The following MAN1A1 variants were observed in gnomAD, a reference collection of about 807,000 sequenced individuals.
MAN1A1 encodes the protein mannosidase alpha class 1A member 1.
A neutral mutation model predicts 70.8 loss-of-function variants in MAN1A1; 29 were observed. That is an observed-to-expected ratio of 0.41 (90% CI 0.31 to 0.56). The LOEUF is 0.56. Ranked by LOEUF, MAN1A1 falls within the 20% of genes least tolerant of loss-of-function variation. The probability of loss-of-function intolerance (pLI) is 0.29; values close to 1 mark genes in which losing one functional copy is unlikely to be tolerated. For missense variants in MAN1A1, 747 were observed against 841.3 expected, an observed-to-expected ratio of 0.89 and a Z score of 1.39; for synonymous variants, 349 against 330.1, an observed-to-expected ratio of 1.06 and a Z score of -0.62.
chr6:119,185,139 C>T (rs900771701), intron 11 of MAN1A1, among the ~76,000 whole-genome samples: 6 of 152,148 alleles, frequency 3.9e-5, no homozygotes, highest in African/African-American at 7.2e-5. Context: ...CCTCCCACCT[C>T]GGCCTCCCAA....
intron 6 of MAN1A1, among the ~76,000 whole-genome samples, chr6:119,229,567 G>C (rs1774618701): frequency 6.6e-6 from 1 of 152,182 alleles, no homozygotes; most frequent in African/African-American, 2.4e-5. Context: ...CACAAATGCA[G>C]TTGAGCTTCA....
chr6:119,195,276 T>C (rs1236936601), intron 8 of MAN1A1, among the ~76,000 whole-genome samples: 1 of 152,184 alleles, frequency 6.6e-6, no homozygotes, highest in Non-Finnish European at 1.5e-5. Context: ...ATCTTCTCTA[T>C]GCCATTCAGT....
chr6:119,274,384 C>A (rs766310865), intron 5 of MAN1A1, among the ~76,000 whole-genome samples: 4 of 152,098 alleles, frequency 2.6e-5, no homozygotes, highest in African/African-American at 7.2e-5. Context: ...GGTAGATTTA[C>A]GAGCTATTTC....
chr6:119,313,884 G>A (rs1772777274), intron 2 of MAN1A1, among the ~76,000 whole-genome samples: 1 of 150,292 alleles, frequency 6.7e-6, no homozygotes, highest in South Asian at 2.1e-4. Context: ...GCAACTAGAA[G>A]TGAATGGGAA....
At chr6:119,291,134 A>G (rs1291924172) in intron 4 of MAN1A1, among the ~76,000 whole-genome samples, 1 of 152,040 alleles carries the variant, frequency 6.6e-6, no homozygotes, top group Non-Finnish European at 1.5e-5. Context: ...TAACTGAATC[A>G]TGGGGAGGGG....
At chr6:119,213,387 A>G (rs1774104104) in intron 6 of MAN1A1, among the ~76,000 whole-genome samples, 1 of 152,228 alleles carries the variant, frequency 6.6e-6, no homozygotes, top group Admixed American at 6.5e-5. Flanking sequence ...ACACTTTGGC[A>G]TCTAAAATTT....
In MAN1A1 at chr6:119,179,990, G is replaced by A. The variant is rs41292568; in HGVS notation, c.1836-45C>T. 1.8e-3 allele frequency: 2,810 copies of A among 1,601,770 alleles called. 5 individuals carry two copies. Among genetic ancestry groups the A allele is most frequent in the Admixed American group, 2.6e-3 (153 of 59,480 alleles). ...TATATGAGGCCCAAGACACTAGGCA[G>A]GCAGTGAAACCACAAACACACAGCA... is the stretch of plus-strand genomic sequence containing the variant. On this transcript the variant is annotated intron_variant, in intron 12 of 12. Transcript: ENST00000368468.
At chr6:119,201,402 A>G (rs1773709784) in intron 7 of MAN1A1, 55 bp from the exon 8 acceptor site, 2 of 1,143,944 alleles carry the variant, frequency 1.7e-6, no homozygotes, top group African/African-American at 1.5e-5. Flanking sequence ...TTTTCATGCC[A>G]TTCTTCTTCT....
intron 6 of MAN1A1, among the ~76,000 whole-genome samples, chr6:119,237,918 C>T (rs1774899222): frequency 6.6e-6 from 1 of 152,108 alleles, no homozygotes; most frequent in South Asian, 2.1e-4. Context: ...AAGCACAGCA[C>T]TTTAAATACA....
chr6:119,222,835 C>T (rs935745906), intron 6 of MAN1A1, among the ~76,000 whole-genome samples: 1 of 152,120 alleles, frequency 6.6e-6, no homozygotes, highest in Non-Finnish European at 1.5e-5. Context: ...TCTCTGGTGG[C>T]AGAATCTCTC....
intron 5 of MAN1A1, among the ~76,000 whole-genome samples, chr6:119,256,316 G>A (rs995387604): frequency 2.0e-5 from 3 of 151,824 alleles, no homozygotes; most frequent in African/African-American, 7.3e-5. Flanking sequence ...TTATTCTCAT[G>A]AAAAAATAAG....
chr6:119,337,790 A>G (rs764395654), intron 2 of MAN1A1, among the ~76,000 whole-genome samples: 36 of 152,216 alleles, frequency 2.4e-4, no homozygotes, highest in Non-Finnish European at 4.4e-4. Flanking sequence ...TCTTCATTAC[A>G]CATTCTATGT....
intron 5 of MAN1A1, among the ~76,000 whole-genome samples, chr6:119,256,475 T>A (rs1582740820): frequency 6.7e-6 from 1 of 149,590 alleles, no homozygotes; most frequent in East Asian, 2.0e-4. Flanking sequence ...ATAGAGAGGG[T>A]TTTATAAAGT....
At chr6:119,294,127 T>A (rs904692453) in intron 4 of MAN1A1, among the ~76,000 whole-genome samples, 1 of 152,058 alleles carries the variant, frequency 6.6e-6, no homozygotes, top group South Asian at 2.1e-4. Flanking sequence ...TGAGGTCTTA[T>A]TTCTCAAGGG....
rs994082611 is a variant in MAN1A1, at chr6:119,234,907, G to A, written c.992+13353C>T. Among the ~76,000 whole-genome samples the A allele has an allele frequency of 2.0e-5, 3 of 152,112 alleles. No homozygotes were observed. The South Asian group carries it at 6.2e-4, about 32-fold the overall frequency. On this transcript the variant is annotated intron_variant, in intron 6 of 12. Transcript: ENST00000368468. ...TGTGCTCACGTTGTGTCTCTGTCAAGTTTTGGTAATTCTTCCAACATTACA... is the reference window on the plus strand; with the variant it reads ...TGTGCTCACGTTGTGTCTCTGTCAAATTTTGGTAATTCTTCCAACATTACA...
intron 11 of MAN1A1, among the ~76,000 whole-genome samples, chr6:119,183,251 T>A (rs910137692): frequency 2.0e-5 from 3 of 152,202 alleles, no homozygotes; most frequent in Admixed American, 2.0e-4. Context: ...AGAAAATGCC[T>A]CATGATTTCA....
At chr6:119,294,593 A>G (rs977484457) in intron 4 of MAN1A1, among the ~76,000 whole-genome samples, 5 of 152,142 alleles carry the variant, frequency 3.3e-5, no homozygotes, top group Non-Finnish European at 5.9e-5. Flanking sequence ...CAGTTTAAGA[A>G]GTACATCCCG....
intron 2 of MAN1A1, among the ~76,000 whole-genome samples, chr6:119,341,562 C>T (rs1401867023): frequency 6.6e-6 from 1 of 152,114 alleles, no homozygotes; most frequent in Admixed American, 6.5e-5. Context: ...GGTCTGGAAT[C>T]CTAATAAATC....
At chr6:119,191,149 A>C (rs2114934173) in intron 9 of MAN1A1, among the ~76,000 whole-genome samples, 1 of 152,322 alleles carries the variant, frequency 6.6e-6, no homozygotes, top group African/African-American at 2.4e-5. Context: ...TGGTTAAGCT[A>C]ATGTTATTGA....
Sources: allele counts gnomAD v4.1 joint callset (sites outside exome capture counted in the v4.1 genomes callset), GRCh38; gene constraint gnomAD v4.1.1; transcripts MANE v1.5; gene names NCBI Gene and HGNC (gene_info 2026-07-23, HGNC 2026-07-21).